The following IL1RL2 variants were observed in gnomAD, a reference collection of about 807,000 sequenced individuals.
IL1RL2 encodes the protein interleukin-1 receptor-like 2.
In IL1RL2, 68 loss-of-function variants were observed where a neutral mutation model predicts 66.8. The observed-to-expected ratio is 1.02, with a 90% CI of 0.84 to 1.25. The LOEUF (loss-of-function observed/expected upper bound fraction) is 1.25. Ranked by LOEUF, IL1RL2 falls within the 50% of genes most tolerant of loss-of-function variation. The pLI is 0.00. For synonymous variants in IL1RL2, 305 were observed against 264.6 expected, an observed-to-expected ratio of 1.15 and a Z score of -1.48; for missense variants, 729 against 709.3, an observed-to-expected ratio of 1.03 and a Z score of -0.32.
intron 2 of IL1RL2, among the ~76,000 whole-genome samples, chr2:102,188,615 A>G (rs1001382176): frequency 3.3e-5 from 5 of 151,086 alleles, no homozygotes; most frequent in African/African-American, 1.2e-4. Flanking sequence ...GAAATTTGGT[A>G]GAAATGAACT....
chr2:102,187,185 C>T, intron 1 of IL1RL2, 99 bp downstream of exon 1: 3 of 1,238,178 alleles, frequency 2.4e-6, no homozygotes, highest in South Asian at 1.3e-5. Flanking sequence ...TGTGTGCCAC[C>T]GCAGGCCAGG....
intron 4 of IL1RL2, among the ~76,000 whole-genome samples, chr2:102,194,482 T>C (rs936680673): frequency 3.9e-5 from 6 of 152,192 alleles, no homozygotes; most frequent in Admixed American, 6.5e-5. Context: ...TAAGGGTACG[T>C]AGAAAATGCC....
At chr2:102,208,767 C>T (rs756353806) in intron 5 of IL1RL2, among the ~76,000 whole-genome samples, 2 of 152,230 alleles carry the variant, frequency 1.3e-5, no homozygotes, top group African/African-American at 2.4e-5. Flanking sequence ...TTCTAGTCCT[C>T]CTATGTTCTT....
chr2:102,234,036 T>C (rs183428674), intron 10 of IL1RL2, among the ~76,000 whole-genome samples: 1 of 152,150 alleles, frequency 6.6e-6, no homozygotes, highest in East Asian at 1.9e-4. Flanking sequence ...GAGAGGCAAC[T>C]GTAGACTGAA....
In IL1RL2 at chr2:102,234,976, T is replaced by G; in HGVS notation, c.1377T>G (p.Phe459Leu). The G allele has an allele frequency of 6.2e-7, 1 of 1,614,198 alleles. No individual in the cohort carries two copies. The change falls in exon 11 of 12, where the codon TTT (phenylalanine) becomes TTG (leucine). Residue 459 changes from phenylalanine (F) to leucine (L), a missense_variant. Phe to Leu is a conservative substitution (Grantham distance 22). Coordinates refer to ENST00000264257, the MANE Select transcript of IL1RL2 (RefSeq NM_003854.4). ...IVIVVPESLG[F>L]GLLKNLSEEQ... is the part of the protein sequence containing the mutation. ...TTGTGGTCCCCGAATCGCTGGGCTTTGGCCTGTTGAAGAACCTGTCAGAAG... is the reference window on the plus strand; with the variant it reads ...TTGTGGTCCCCGAATCGCTGGGCTTGGGCCTGTTGAAGAACCTGTCAGAAG...
intron 9 of IL1RL2, 88 bp from the exon 10 acceptor site, chr2:102,232,875 C>T: frequency 3.4e-6 from 5 of 1,467,752 alleles, no homozygotes; most frequent in East Asian, 2.3e-5. Context: ...GGCCAAAGGA[C>T]ACCATGGTAG....
intron 8 of IL1RL2, among the ~76,000 whole-genome samples, chr2:102,225,050 C>T (rs1559556304): frequency 6.6e-6 from 1 of 152,114 alleles, no homozygotes; most frequent in African/African-American, 2.4e-5. Context: ...TCTCTCTTCC[C>T]CTTTTCTAAT....
chr2:102,215,069 G>A (rs962439964), intron 6 of IL1RL2, among the ~76,000 whole-genome samples: 3 of 152,258 alleles, frequency 2.0e-5, no homozygotes, highest in African/African-American at 7.2e-5. Flanking sequence ...GCAGGGAAAA[G>A]GTAAGCAGAA....
rs111553008 is a variant in IL1RL2 at position 102,219,646 on chromosome 2, A to G, written c.855-235A>G. Among the ~76,000 whole-genome samples the G allele has an allele frequency of 4.6e-3, 693 of 152,298 alleles. 5 individuals are homozygous for G. Among genetic ancestry groups the G allele is most frequent in the African/African-American group, 0.016 (669 of 41,564 alleles). ...AATAGGGGAAAGGCCTTTGGGGCTG[A>G]GAATGGTGTCTGTAGCTAACAGAAC... is the stretch of plus-strand genomic sequence containing the variant. On this transcript the variant is annotated intron_variant, in intron 7 of 11. Transcript: ENST00000264257.
chr2:102,231,985 TAG>T (rs1691179143), intron 9 of IL1RL2, among the ~76,000 whole-genome samples: 1 of 152,198 alleles, frequency 6.6e-6, no homozygotes, highest in South Asian at 2.1e-4. Flanking sequence ...GGTAAATGGC[TAG>T]AGTTTCCTGC....
At chr2:102,216,363 C>T (rs548803902) in intron 6 of IL1RL2, among the ~76,000 whole-genome samples, 18 of 152,162 alleles carry the variant, frequency 1.2e-4, no homozygotes, top group African/African-American at 4.3e-4. Flanking sequence ...GTAAGTGTAG[C>T]TACTCCTGCT....
intron 3 of IL1RL2, 143 bp downstream of exon 3, chr2:102,189,453 A>T: frequency 1.6e-6 from 1 of 616,374 alleles, no homozygotes; most frequent in Non-Finnish European, 2.8e-6. Context: ...ATTTCCAGTG[A>T]ACACATTTTT....
chr2:102,208,238 G>T (rs915213358), intron 5 of IL1RL2, among the ~76,000 whole-genome samples: 4 of 152,200 alleles, frequency 2.6e-5, no homozygotes, highest in Non-Finnish European at 5.9e-5. Context: ...CTTCTGTGTA[G>T]ATGGTTGTTA....
intron 8 of IL1RL2, among the ~76,000 whole-genome samples, chr2:102,222,488 G>A (rs1416839831): frequency 6.6e-6 from 1 of 152,138 alleles, no homozygotes; most frequent in Non-Finnish European, 1.5e-5. Flanking sequence ...TTTACTGATA[G>A]GCGATGAAAT....
chr2:102,209,046 A>G (rs188301440), intron 5 of IL1RL2, among the ~76,000 whole-genome samples: 1 of 152,346 alleles, frequency 6.6e-6, no homozygotes, highest in African/African-American at 2.4e-5. Context: ...TAATGCATTA[A>G]TGTTACATTG....
intron 11 of IL1RL2, among the ~76,000 whole-genome samples, chr2:102,238,881 C>A (rs1297864501): frequency 6.6e-6 from 1 of 152,178 alleles, no homozygotes; most frequent in East Asian, 1.9e-4. Context: ...ATTCCACCCT[C>A]ATCTCCCAGG....
intron 2 of IL1RL2, 90 bp downstream of exon 2, chr2:102,188,015 C>T: frequency 3.8e-6 from 5 of 1,315,446 alleles, no homozygotes; most frequent in Middle Eastern, 1.8e-4. Context: ...TCGCGTCAGC[C>T]CGAGCGCGGC....
In IL1RL2 at chr2:102,191,918, C is replaced by G; in HGVS notation, c.294-7C>G. ...AAGAGTTTATGAGGTCTCAATCTGT[C>G]TTACAGGGGTAGAGACAGCTGTCAT... On this transcript the variant is annotated splice_region_variant and splice_polypyrimidine_tract_variant and intron_variant, in intron 3 of 11. Transcript: ENST00000264257. The G allele has an allele frequency of 6.3e-7, 1 of 1,585,806 alleles. No homozygotes were observed. The highest frequency in any genetic ancestry group is 8.6e-7 in the Non-Finnish European group (1 of 1,163,522).
rs574064015 is a variant in IL1RL2 at position 102,193,388 on chromosome 2, C to T, written c.489+1268C>T. Among the ~76,000 whole-genome samples, 19 of 152,258 alleles carry T rather than the reference C, an allele frequency of 1.2e-4. No individual in the cohort carries two copies. In the South Asian group the frequency reaches 3.5e-3, roughly 28 times the overall value. ...TCACAGAATTTTGTATCAGTTTATA[C>T]TTTTGCCAGGAGTATTTTATTTTAC... On this transcript the variant is annotated intron_variant, in intron 4 of 11. Coordinates refer to ENST00000264257, the MANE Select transcript of IL1RL2 (RefSeq NM_003854.4).
Sources: allele counts gnomAD v4.1 joint callset (sites outside exome capture counted in the v4.1 genomes callset), GRCh38; gene constraint gnomAD v4.1.1; transcripts MANE v1.5; gene names NCBI Gene and HGNC (gene_info 2026-07-23, HGNC 2026-07-21).